Variants in AKAP6 observed in about 807,000 individuals in gnomAD.
AKAP6 encodes A-kinase anchor protein 6.
Under a neutral mutation model 188.5 loss-of-function variants are expected in AKAP6, and 58 were observed. That is an observed-to-expected ratio of 0.31 (90% CI 0.25 to 0.38). AKAP6 has a LOEUF of 0.38. AKAP6 is among the 10% of genes least tolerant of loss of function. The pLI is 1.00. For missense variants in AKAP6, 2,710 were observed against 2,740.0 expected, an observed-to-expected ratio of 0.99 and a Z score of 0.24; for synonymous variants, 989 against 998.6, an observed-to-expected ratio of 0.99 and a Z score of 0.18.
chr14:32,338,936 A>G (rs1252300256), intron 1 of AKAP6, among the ~76,000 whole-genome samples: 1 of 152,144 alleles, frequency 6.6e-6, no homozygotes, highest in Admixed American at 6.5e-5. Context: ...GAAACCAAGA[A>G]AATCATTCTT....
At chr14:32,434,146 CTT>C (rs1006390361) in intron 2 of AKAP6, among the ~76,000 whole-genome samples, 10 of 152,086 alleles carry the variant, frequency 6.6e-5, no homozygotes, top group African/African-American at 2.4e-4. Flanking sequence ...ATAAAAGACT[CTT>C]ATAGGTAAAA....
intron 7 of AKAP6, among the ~76,000 whole-genome samples, chr14:32,618,519 C>CATT (rs1443466148): frequency 2.0e-5 from 3 of 152,136 alleles, no homozygotes; most frequent in Non-Finnish European, 2.9e-5. Context: ...GTACAAAAGA[C>CATT]ATTATTTTGT....
intron 9 of AKAP6, among the ~76,000 whole-genome samples, chr14:32,705,731 A>G (rs1356046369): frequency 6.6e-6 from 1 of 152,214 alleles, no homozygotes. Flanking sequence ...CCCAAATCTC[A>G]GAGGCTTAAA....
chr14:32,517,161 C>G (rs1881567456), intron 2 of AKAP6, among the ~76,000 whole-genome samples: 2 of 152,102 alleles, frequency 1.3e-5, no homozygotes, highest in South Asian at 4.1e-4. Flanking sequence ...CGAAAACTAG[C>G]TAAAGAAAAT....
At chr14:32,555,867 C>T (rs72667946) in intron 4 of AKAP6, among the ~76,000 whole-genome samples, 24,337 of 152,044 alleles carry the variant, frequency 0.16, 2,438 homozygotes, top group Middle Eastern at 0.24. Flanking sequence ...GGGTTGCTTC[C>T]ACCTTTGGCT....
chr14:32,732,691 A>C (rs1566673835), intron 10 of AKAP6, 91 bp downstream of exon 10: 1 of 1,410,846 alleles, frequency 7.1e-7, no homozygotes, highest in Admixed American at 1.7e-5. Context: ...AGGCACAAAT[A>C]TCTCTCTCTT....
intron 5 of AKAP6, among the ~76,000 whole-genome samples, chr14:32,583,536 GT>G (rs1372531173): frequency 6.6e-6 from 1 of 152,210 alleles, no homozygotes; most frequent in Non-Finnish European, 1.5e-5. Flanking sequence ...GTCTGCAGAG[GT>G]TACTGCTGTC....
chr14:32,579,176 C>T (rs987112137), intron 5 of AKAP6, among the ~76,000 whole-genome samples: 24 of 152,066 alleles, frequency 1.6e-4, no homozygotes, highest in Non-Finnish European at 2.5e-4. Context: ...TATAGGTGAC[C>T]GTAACGAACG....
intron 7 of AKAP6, among the ~76,000 whole-genome samples, chr14:32,627,826 G>A (rs572150973): frequency 6.6e-6 from 1 of 152,100 alleles, no homozygotes; most frequent in East Asian, 1.9e-4. Flanking sequence ...TCCTTTTTAA[G>A]CTTTCATTTT....
intron 1 of AKAP6, among the ~76,000 whole-genome samples, chr14:32,420,014 G>A (rs1889788280): frequency 1.3e-5 from 2 of 152,148 alleles, no homozygotes; most frequent in Admixed American, 1.3e-4. Context: ...ACCTGAGAGT[G>A]TTAAAACCCT....
chr14:32,823,568 A>T lies in AKAP6; in HGVS notation c.5755A>T (p.Asn1919Tyr), dbSNP rs1246328060. 1 of 1,613,950 alleles carries T rather than the reference A, an allele frequency of 6.2e-7. No homozygotes were observed. Among genetic ancestry groups the T allele is most frequent in the Admixed American group, 1.7e-5 (1 of 59,946 alleles). ...GAATGTGACTTCAAAGGTATCAGAAAATCTTGGTTCACATGGGAAAGAGAT... is the reference window on the plus strand; with the variant it reads ...GAATGTGACTTCAAAGGTATCAGAATATCTTGGTTCACATGGGAAAGAGAT... ...KPNVTSKVSE[N>Y]LGSHGKEISE... The change falls in exon 13 of 14, where the codon AAT (asparagine) becomes TAT (tyrosine). Residue 1919 changes from asparagine to tyrosine, a missense_variant. By Grantham distance (143) the Asn-to-Tyr change is moderately radical. Transcript: ENST00000280979.
intron 1 of AKAP6, among the ~76,000 whole-genome samples, chr14:32,366,981 G>T (rs1887856572): frequency 6.6e-6 from 1 of 152,082 alleles, no homozygotes; most frequent in African/African-American, 2.4e-5. Flanking sequence ...CTCTGGAATA[G>T]GTTCTTGAAA....
chr14:32,821,268 T>A, intron 12 of AKAP6, 134 bp from the exon 13 acceptor site: 1 of 885,804 alleles, frequency 1.1e-6, no homozygotes, highest in Non-Finnish European at 1.7e-6. Context: ...ATAGAGTTGA[T>A]AATTAGGCCG....
chr14:32,572,283 A>G (rs1328466707), intron 4 of AKAP6, among the ~76,000 whole-genome samples: 1 of 152,204 alleles, frequency 6.6e-6, no homozygotes. Context: ...TGTGGTGACA[A>G]CACAGCATTT....
chr14:32,349,878 A>C (rs1217962680), intron 1 of AKAP6, among the ~76,000 whole-genome samples: 1 of 152,222 alleles, frequency 6.6e-6, no homozygotes, highest in Non-Finnish European at 1.5e-5. Flanking sequence ...GGAAATGTTC[A>C]AAAAACAAAA....
At chr14:32,420,760 C>T (rs901566782) in intron 1 of AKAP6, among the ~76,000 whole-genome samples, 5 of 152,044 alleles carry the variant, frequency 3.3e-5, no homozygotes, top group African/African-American at 7.2e-5. Flanking sequence ...AGTATACCGC[C>T]GCCCTTTTGG....
At position 32,654,228 on chromosome 14, in the gene AKAP6, G is replaced by A. The variant is rs193086953; in HGVS notation, c.2731-24083G>A. Among the ~76,000 whole-genome samples, 56 of 152,200 alleles carry A rather than the reference G, an allele frequency of 3.7e-4. 1 individual carries two copies. Among genetic ancestry groups the A allele is most frequent in the African/African-American group, 1.3e-3 (54 of 41,542 alleles). The stretch of plus-strand genomic sequence containing the variant: ...GTTTGCAACTGGCTGGGGGAGCTAT[G>A]TGAAGCCATTACAAACTCTAGTTTC... On this transcript the variant is annotated intron_variant, in intron 7 of 13. Transcript: ENST00000280979.
At position 32,559,342 on chromosome 14, in the gene AKAP6, T is replaced by C. The variant is rs537561711; in HGVS notation, c.2346+12343T>C. Among the ~76,000 whole-genome samples the C allele has an allele frequency of 4.9e-4, 74 of 152,308 alleles. 1 individual carries two copies. The Middle Eastern group carries it at 0.014, about 28-fold the overall frequency. The stretch of plus-strand genomic sequence containing the variant: ...GCTCCAGCTGATAGTTGCATGGGAA[T>C]GTGGGCCATTTGTGCCAAGATTTTG... On this transcript the variant is annotated intron_variant, in intron 4 of 13. Transcript: ENST00000280979.
At chr14:32,490,157 C>T (rs1047419764) in intron 2 of AKAP6, among the ~76,000 whole-genome samples, 1 of 131,534 alleles carries the variant, frequency 7.6e-6, no homozygotes, top group Non-Finnish European at 1.6e-5. Flanking sequence ...TAGGGCAGAA[C>T]AAATCACAAT....
Sources: allele counts gnomAD v4.1 joint callset (sites outside exome capture counted in the v4.1 genomes callset), GRCh38; gene constraint gnomAD v4.1.1; transcripts MANE v1.5; gene names NCBI Gene and HGNC (gene_info 2026-07-23, HGNC 2026-07-21).